The following A2M variants were observed in gnomAD, a reference collection of about 807,000 sequenced individuals.
A2M encodes alpha-2-macroglobulin, also known as C3 and PZP-like alpha-2-macroglobulin domain-containing protein 5.
Under a neutral mutation model 183.9 loss-of-function variants are expected in A2M, and 128 were observed. That is an observed-to-expected ratio of 0.70 (90% CI 0.60 to 0.81). The LOEUF (loss-of-function observed/expected upper bound fraction) is 0.81. A2M is among the 30% of genes least tolerant of loss of function. The probability of loss-of-function intolerance (pLI) is 0.00; values close to 1 mark genes in which losing one functional copy is unlikely to be tolerated. For synonymous variants in A2M, 592 were observed against 670.8 expected (o/e 0.88, Z 1.81); for missense variants, 1,495 against 1,787.6 (o/e 0.84, Z 2.95).
intron 2 of A2M, among the ~76,000 whole-genome samples, chr12:9,112,901 A>C (rs1938849448): frequency 6.6e-6 from 1 of 152,182 alleles, no homozygotes; most frequent in South Asian, 2.1e-4. Context: ...TATTTTACTG[A>C]CACTAGGCTG....
rs1232878525 is a variant in A2M, at chr12:9,077,820, G to A, written c.3157C>T (p.Arg1053Ter). The A allele has an allele frequency of 2.5e-6, 4 of 1,614,016 alleles. No individual in the cohort carries two copies. Among genetic ancestry groups the A allele is most frequent in the African/African-American group, 1.3e-5 (1 of 74,904 alleles). ...GCTTCATCGATGAAGATGTAGGCTC[G>A]AGCTTGGGCAAAAGTCTTCAGAACA... is the stretch of plus-strand genomic sequence containing the variant. ...AFVLKTFAQA[R>*]AYIFIDEAHI... Residue 1053 changes from arginine to a stop codon, truncating the protein, a stop_gained, in exon 26 of 36, where the codon CGA becomes TGA. Transcript: ENST00000318602. LOFTEE classifies it high-confidence loss of function.
chr12:9,096,124 C>T lies in A2M; in HGVS notation c.1852-424G>A, dbSNP rs118119127. ...TAATGAACATCCGTCTTTCTTTGAG[C>T]GCTCTCATTGCTTTGATGATTTATA... On this transcript the variant is annotated intron_variant, in intron 15 of 35. Coordinates refer to ENST00000318602, the MANE Select transcript of A2M (RefSeq NM_000014.6). 8.0e-3 allele frequency among the ~76,000 whole-genome samples: 1,215 copies of T among 152,222 alleles called. 12 individuals carry two copies. Among genetic ancestry groups the T allele is most frequent in the African/African-American group, 0.011 (466 of 41,528 alleles).
intron 27 of A2M, 89 bp downstream of exon 27, chr12:9,077,257 C>CT (rs1232229588): frequency 7.3e-6 from 9 of 1,241,214 alleles, no homozygotes; most frequent in South Asian, 1.4e-5. Context: ...TGATGCTTTG[C>CT]TTTTAATAGG....
At chr12:9,094,071 G>T (rs1234188589) in intron 17 of A2M, among the ~76,000 whole-genome samples, 1 of 152,068 alleles carries the variant, frequency 6.6e-6, no homozygotes, top group Non-Finnish European at 1.5e-5. Context: ...GCTAAGTGGA[G>T]AGTGTTATGA....
Position 9,110,333 on chromosome 12 carries a change from A to AGTATACTTTTG in A2M, c.484_485insCAAAAGTATAC (p.Ile162ThrfsTer7). 1 of 1,440,754 alleles carries AGTATACTTTTG rather than the reference A, an allele frequency of 6.9e-7. No homozygotes were observed. The highest frequency in any genetic ancestry group is 9.3e-7 in the Non-Finnish European group (1 of 1,074,044). 89.2% of individuals were successfully genotyped at this position (1,440,754 alleles called of 1,614,324 possible). A position where few individuals can be genotyped will look rare whatever the true frequency, so the allele number is the denominator to read the frequency against. ...GCTTACCTGAATGTATACTAGTGGA[A>AGTATACTTTTG]TCTGAAAGACAAAAGAAAAAAGAAG... On this transcript the variant is annotated frameshift_variant and splice_region_variant, in exon 5 of 36. Transcript: ENST00000318602. LOFTEE classifies it high-confidence loss of function.
intron 15 of A2M, among the ~76,000 whole-genome samples, chr12:9,096,010 C>T (rs1374269530): frequency 2.0e-5 from 3 of 151,980 alleles, no homozygotes; most frequent in South Asian, 2.1e-4. Context: ...CCACCCGCCT[C>T]GGCCTCCCAA....
At position 9,090,339 on chromosome 12, in the gene A2M, A is replaced by T. The variant is rs369210537; in HGVS notation, c.2596+17T>A. On this transcript the variant is annotated intron_variant, in intron 20 of 35. Coordinates refer to ENST00000318602, the MANE Select transcript of A2M (RefSeq NM_000014.6). ...AATCTTTGAGTAGAGAATTATCTCT[A>T]GCAGTTTTTTGCTCACCTAATGACT... 3.7e-5 allele frequency: 60 copies of T among 1,613,988 alleles called. No homozygotes were observed. The African/African-American group carries it at 6.4e-4, about 17-fold the overall frequency.
At chr12:9,070,668 A>C (rs958046530) in intron 31 of A2M, 90 bp from the exon 32 acceptor site, 2 of 854,276 alleles carry the variant, frequency 2.3e-6, no homozygotes, top group African/African-American at 3.4e-5. Context: ...CCACAGCTCT[A>C]AAAGGTACAC....
chr12:9,087,287 A>G (rs1176415433), intron 22 of A2M, among the ~76,000 whole-genome samples: 2 of 152,232 alleles, frequency 1.3e-5, no homozygotes, highest in Non-Finnish European at 2.9e-5. Flanking sequence ...ATGAACAGAT[A>G]AAGAAAATTT....
rs1938554999 is a variant in A2M, at chr12:9,109,422, A to C, written c.674-17T>G. ...TGGGAAGAACTGTTGATTGGTGATAAAGAAGGTTGGTGATTGGTTTTCAAC... is the reference window on the plus strand; with the variant it reads ...TGGGAAGAACTGTTGATTGGTGATACAGAAGGTTGGTGATTGGTTTTCAAC... On this transcript the variant is annotated splice_polypyrimidine_tract_variant and intron_variant, in intron 6 of 35. Transcript: ENST00000318602. 1.9e-6 allele frequency: 3 copies of C among 1,599,864 alleles called. No homozygotes were observed. The highest frequency in any genetic ancestry group is 2.6e-6 in the Non-Finnish European group (3 of 1,168,340).
Position 9,070,469 on chromosome 12 carries a change from G to A in A2M, c.4194+19C>T. 6.4e-7 allele frequency: 1 copy of A among 1,559,424 alleles called. No homozygotes were observed. The highest frequency in any genetic ancestry group is 1.4e-5 in the African/African-American group (1 of 73,980). ...ATCATTAAATAAAATAGGGCAGTCT[G>A]GGGTTATGATAAACCTACCATTTTC... On this transcript the variant is annotated intron_variant, in intron 32 of 35. Coordinates refer to ENST00000318602, the MANE Select transcript of A2M (RefSeq NM_000014.6).
chr12:9,076,705 G>T, intron 28 of A2M, 51 bp downstream of exon 28: 1 of 1,601,506 alleles, frequency 6.2e-7, no homozygotes. Flanking sequence ...TTGCCATGCA[G>T]TTCTTGATAC....
At chr12:9,083,257 G>A (rs976377584) in intron 22 of A2M, among the ~76,000 whole-genome samples, 19 of 152,054 alleles carry the variant, frequency 1.2e-4, no homozygotes, top group African/African-American at 4.3e-4. Context: ...AGGGGATGGG[G>A]GAGGGATAGC....
In A2M at chr12:9,074,607, A is replaced by G. The variant is rs1386588975; in HGVS notation, c.3709T>C (p.Trp1237Arg). The G allele has an allele frequency of 6.2e-7, 1 of 1,613,608 alleles. No homozygotes were observed. The highest frequency in any genetic ancestry group is 8.5e-7 in the Non-Finnish European group (1 of 1,179,894). Residue 1237 changes from tryptophan to arginine, a missense_variant, in exon 29 of 36, where the codon TGG becomes CGG. Transcript: ENST00000318602. The stretch of plus-strand genomic sequence containing the variant: ...TGGGCATTCTGCTGCTTCGTGATCC[A>G]CTTCACGATGTTGGTTGCAGAGGTC... ...DLTSATNIVK[W>R]ITKQQNAQGG...
chr12:9,072,298 G>A, intron 31 of A2M, 61 bp downstream of exon 31: 1 of 1,580,354 alleles, frequency 6.3e-7, no homozygotes, highest in Non-Finnish European at 8.6e-7. Context: ...TTAAAGAGGA[G>A]TTCCCGAAAG....
rs746776191 is a variant in A2M, at chr12:9,106,294, T to C, written c.1046A>G (p.Lys349Arg). ...TGAGTCCACTTTCACAAATGAGAGT[T>C]TGGTTATGGTTCTTGTGATTTCACT... ...QSSEITRTITKLSFVKVDSHF... is the reference protein window; with the variant it reads ...QSSEITRTITRLSFVKVDSHF... Residue 349 changes from lysine (K) to arginine (R), a missense_variant, in exon 10 of 36, where the codon AAA becomes AGA. By Grantham distance (26) the Lys-to-Arg change is conservative (BLOSUM62 2). Coordinates refer to ENST00000318602, the MANE Select transcript of A2M (RefSeq NM_000014.6). The C allele has an allele frequency of 2.5e-6, 4 of 1,613,624 alleles. No homozygotes were observed. In the East Asian group the frequency reaches 8.9e-5, roughly 36 times the overall value.
chr12:9,072,529 A>G (rs557673335), intron 30 of A2M, 43 bp from the exon 31 acceptor site: 2 of 1,603,006 alleles, frequency 1.2e-6, no homozygotes, highest in Non-Finnish European at 8.5e-7. Flanking sequence ...GCCCTTTCCC[A>G]GAATTCCTGT....
Position 9,113,411 on chromosome 12 carries a change from G to A in A2M, c.219C>T (p.Leu73=), listed in dbSNP as rs1938896228. The A allele has an allele frequency of 1.2e-6, 2 of 1,613,698 alleles. No individual in the cohort carries two copies. The highest frequency in any genetic ancestry group is 1.7e-6 in the Non-Finnish European group (2 of 1,179,940). The change falls in exon 2 of 36, where the codon CTC becomes CTT. Residue 73 remains leucine (L), a synonymous_variant. Coordinates refer to ENST00000318602, the MANE Select transcript of A2M (RefSeq NM_000014.6). ...CATTCTCCGCCTCCAGGTCAGTGAA[G>A]AGGCTCCTGTTTCCCCTGACAGACT... ...SLESVRGNRS[L]FTDLEAENDV...
rs776773589 is a variant in A2M, at chr12:9,100,204, G to A, written c.1559-681C>T. ...ATGCTTCATAAATCATAACTATCTTGAAAGGGAAAAAAGATATTTATAATA... is the reference window on the plus strand; with the variant it reads ...ATGCTTCATAAATCATAACTATCTTAAAAGGGAAAAAAGATATTTATAATA... On this transcript the variant is annotated intron_variant, in intron 13 of 35. Coordinates refer to ENST00000318602, the MANE Select transcript of A2M (RefSeq NM_000014.6). Among the ~76,000 whole-genome samples, 3 of 152,100 alleles carry A rather than the reference G, an allele frequency of 2.0e-5. No homozygotes were observed. In the South Asian group the frequency reaches 6.2e-4, roughly 32 times the overall value.
Sources: gnomAD v4.1 joint callset for allele counts (sites outside exome capture counted in the v4.1 genomes callset) on GRCh38, gnomAD v4.1.1 for gene constraint, MANE v1.5 for transcripts, NCBI Gene and HGNC (gene_info 2026-07-23, HGNC 2026-07-21) for gene names.